Variants in CPEB3 observed in about 807,000 individuals in gnomAD.
CPEB3 encodes cytoplasmic polyadenylation element binding protein 3.
In CPEB3, 20 loss-of-function variants were observed where a neutral mutation model predicts 67.2. The ratio of observed to expected loss-of-function variants is 0.30; its 90% CI spans 0.21 to 0.43. The LOEUF is 0.43. Ranked by LOEUF, CPEB3 falls within the 20% of genes least tolerant of loss-of-function variation. The pLI is 1.00. For synonymous variants in CPEB3, 376 were observed against 393.1 expected (o/e 0.96, Z 0.51); for missense variants, 746 against 968.6 (o/e 0.77, Z 3.05).
chr10:92,217,730 C>G (rs908038174), intron 2 of CPEB3, among the ~76,000 whole-genome samples: 1 of 151,994 alleles, frequency 6.6e-6, no homozygotes, highest in African/African-American at 2.4e-5. Context: ...CCATTGCACT[C>G]CAGCCTGGGC....
upstream of CPEB3, chr10:92,291,223 C>CGGAACCTCGGGCCGACGGACG (rs1227495144): frequency 1.9e-6 from 1 of 533,718 alleles, no homozygotes. Flanking sequence ...GTCCATGGAC[C>CGGAACCTCGGGCCGACGGACG]GGAACCTCGG....
At chr10:92,102,123 G>A (rs547364316) in intron 7 of CPEB3, among the ~76,000 whole-genome samples, 1 of 152,052 alleles carries the variant, frequency 6.6e-6, no homozygotes, top group African/African-American at 2.4e-5. Context: ...CAGGAGTTTA[G>A]ATGCTATCTA....
chr10:92,119,323 A>G (rs1472098267), intron 6 of CPEB3, among the ~76,000 whole-genome samples: 4 of 152,234 alleles, frequency 2.6e-5, no homozygotes, highest in African/African-American at 9.7e-5. Context: ...CTTGTAGAAC[A>G]TAAGAGTGGA....
At chr10:92,112,432 AC>A (rs1844797200) in intron 6 of CPEB3, among the ~76,000 whole-genome samples, 1 of 152,216 alleles carries the variant, frequency 6.6e-6, no homozygotes, top group South Asian at 2.1e-4. Context: ...GGTGTGAGCC[AC>A]CACGCCCGGC....
At chr10:92,226,331 C>A (rs1850973506) in intron 2 of CPEB3, among the ~76,000 whole-genome samples, 1 of 152,152 alleles carries the variant, frequency 6.6e-6, no homozygotes, top group Non-Finnish European at 1.5e-5. Flanking sequence ...TTGTTTTAGA[C>A]CTTATCATTC....
intron 2 of CPEB3, among the ~76,000 whole-genome samples, chr10:92,235,015 G>A (rs1290120292): frequency 6.6e-6 from 1 of 152,220 alleles, no homozygotes; most frequent in Non-Finnish European, 1.5e-5. Flanking sequence ...GAGTTCCAGT[G>A]AGAAACTATA....
intron 2 of CPEB3, among the ~76,000 whole-genome samples, chr10:92,215,020 G>A (rs899180687): frequency 6.6e-6 from 1 of 151,358 alleles, no homozygotes; most frequent in Non-Finnish European, 1.5e-5. Flanking sequence ...GCTAATTTTT[G>A]TATTTTTAGT....
At chr10:92,284,680 A>T (rs893795539) in intron 1 of CPEB3, among the ~76,000 whole-genome samples, 1 of 152,092 alleles carries the variant, frequency 6.6e-6, no homozygotes, top group African/African-American at 2.4e-5. Flanking sequence ...AATCCTAGTT[A>T]TAATCTCTCA....
At chr10:92,074,748 TAATC>T (rs1484733385) in intron 9 of CPEB3, among the ~76,000 whole-genome samples, 1 of 152,146 alleles carries the variant, frequency 6.6e-6, no homozygotes, top group Non-Finnish European at 1.5e-5. Context: ...CAGTGGAACA[TAATC>T]AAAAGGTTTA....
At chr10:92,234,796 G>A (rs776577466) in intron 2 of CPEB3, among the ~76,000 whole-genome samples, 14 of 151,964 alleles carry the variant, frequency 9.2e-5, no homozygotes, top group African/African-American at 1.9e-4. Flanking sequence ...ATGGTAGCAC[G>A]CACCTGTAAT....
chr10:92,084,384 T>C (rs932728234), intron 8 of CPEB3, among the ~76,000 whole-genome samples: 2 of 152,140 alleles, frequency 1.3e-5, no homozygotes, highest in Non-Finnish European at 2.9e-5. Flanking sequence ...TTTCCATTTA[T>C]GAACTTATAT....
intron 2 of CPEB3, among the ~76,000 whole-genome samples, chr10:92,234,281 T>G (rs1313669232): frequency 6.6e-6 from 1 of 152,258 alleles, no homozygotes; most frequent in East Asian, 1.9e-4. Flanking sequence ...TTTTGGGACT[T>G]TGATTTCATA....
In CPEB3 at chr10:92,190,665, C is replaced by CAAAAAAAAA. The variant is rs780757034; in HGVS notation, c.1165+1803_1165+1811dup. ...GGGCAACAAGAGCGAAACTCCATCT[C>CAAAAAAAAA]AAAAAAAAAAAAAAAAAAAAAAAAA... On this transcript the variant is annotated intron_variant, in intron 3 of 9. Coordinates refer to ENST00000265997, the MANE Select transcript of CPEB3 (RefSeq NM_014912.5). Among the ~76,000 whole-genome samples the CAAAAAAAAA allele has an allele frequency of 3.4e-4, 27 of 78,396 alleles. 1 individual carries two copies. Among genetic ancestry groups the CAAAAAAAAA allele is most frequent in the African/African-American group, 5.2e-4 (10 of 19,372 alleles). The allele number at this position is 78,396 out of a possible 152,430, so 51.4% of individuals were successfully genotyped here.
Position 92,048,408 on chromosome 10 carries a change from C to CACACA in CPEB3, c.*3803_*3804insTGTGT, listed in dbSNP as rs1554874496. ...TCTCTCACACACACACACACACACACGACATAATGACGAGTTAGAGGGGAA... is the reference window on the plus strand; with the variant it reads ...TCTCTCACACACACACACACACACACACACAGACATAATGACGAGTTAGAGGGGAA... On this transcript the variant is annotated 3_prime_UTR_variant, in exon 10 of 10. Transcript: ENST00000265997. The surrounding 1 kb of genome is among the most constrained non-coding windows in gnomAD (Gnocchi z 4.1). The CACACA allele has an allele frequency of 6.7e-6, 1 of 148,874 alleles. No individual in the cohort carries two copies. The highest frequency in any genetic ancestry group is 1.5e-5 in the Non-Finnish European group (1 of 67,164). 9.2% of individuals were successfully genotyped at this position (148,874 alleles called of 1,614,324 possible).
chr10:92,260,734 G>A lies in CPEB3; in HGVS notation c.-11-20373C>T, dbSNP rs566910660. On this transcript the variant is annotated intron_variant, in intron 1 of 9. Transcript: ENST00000265997. ...AGCAATTATCCTGCTTCAGCCTCCC[G>A]AGTAGCTGGGATTACAGGCGCACAC... 5.3e-5 allele frequency among the ~76,000 whole-genome samples: 8 copies of A among 151,714 alleles called. No homozygotes were observed. The East Asian group carries it at 5.9e-4, about 11-fold the overall frequency.
intron 9 of CPEB3, among the ~76,000 whole-genome samples, chr10:92,059,340 G>C (rs2944724): frequency 5.3e-5 from 3 of 56,376 alleles, no homozygotes; most frequent in Non-Finnish European, 1.2e-4. Context: ...AAAAAACAAA[G>C]AAAAAGCAAA....
intron 4 of CPEB3, among the ~76,000 whole-genome samples, chr10:92,172,834 G>A (rs1475641577): frequency 6.6e-6 from 1 of 152,152 alleles, no homozygotes; most frequent in Non-Finnish European, 1.5e-5. Flanking sequence ...ACCATAGTAA[G>A]CATTACAAAA....
chr10:92,202,196 AAC>A (rs1347038783), intron 2 of CPEB3, among the ~76,000 whole-genome samples: 1 of 152,138 alleles, frequency 6.6e-6, no homozygotes, highest in Non-Finnish European at 1.5e-5. Context: ...ACTTTGGAAA[AAC>A]AGTTTGGCTG....
intron 7 of CPEB3, among the ~76,000 whole-genome samples, chr10:92,094,917 C>T (rs999547299): frequency 6.6e-6 from 1 of 152,016 alleles, no homozygotes; most frequent in East Asian, 1.9e-4. Context: ...GCTTCGGGAC[C>T]TGGTAAGGTA....
Sources: allele counts gnomAD v4.1 joint callset (sites outside exome capture counted in the v4.1 genomes callset), GRCh38; gene constraint gnomAD v4.1.1; non-coding constraint Gnocchi (gnomAD v3.1); transcripts MANE v1.5; gene names NCBI Gene and HGNC (gene_info 2026-07-23, HGNC 2026-07-21).